Variants in TNKS observed in about 807,000 individuals in gnomAD.
TNKS encodes the protein tankyrase, also known as poly [ADP-ribose] polymerase tankyrase-1.
A neutral mutation model predicts 135.8 loss-of-function variants in TNKS; 72 were observed. That is an observed-to-expected ratio of 0.53 (90% CI 0.44 to 0.64). The LOEUF (loss-of-function observed/expected upper bound fraction) is 0.64, where lower values mean the gene tolerates loss of function less well. Ranked by LOEUF, TNKS falls within the 30% of genes least tolerant of loss-of-function variation. The probability of loss-of-function intolerance (pLI) is 0.00; values close to 1 mark genes in which losing one functional copy is unlikely to be tolerated. For synonymous variants in TNKS, 849 were observed against 649.3 expected (o/e 1.31, Z -4.68); for missense variants, 1,769 against 1,674.0 (o/e 1.06, Z -0.99).
chr8:9,682,854 G>A (rs1252539616), intron 5 of TNKS, among the ~76,000 whole-genome samples: 2 of 151,708 alleles, frequency 1.3e-5, no homozygotes, highest in Non-Finnish European at 2.9e-5. Flanking sequence ...TAACATGAGG[G>A]AGAACCGTAT....
At chr8:9,631,812 T>G (rs987046242) in intron 3 of TNKS, among the ~76,000 whole-genome samples, 1 of 152,024 alleles carries the variant, frequency 6.6e-6, no homozygotes, top group African/African-American at 2.4e-5. Flanking sequence ...AATTTCAACA[T>G]GAATCCAGCA....
chr8:9,610,145 C>G (rs568836496), intron 2 of TNKS, among the ~76,000 whole-genome samples: 1 of 150,670 alleles, frequency 6.6e-6, no homozygotes, highest in South Asian at 2.1e-4. Flanking sequence ...ACATGAGCTA[C>G]TGCGCCCGGC....
In TNKS at chr8:9,776,957, T is replaced by C; in HGVS notation, c.*221T>C. The C allele has an allele frequency of 2.0e-6, 1 of 489,312 alleles. No individual in the cohort carries two copies. Among genetic ancestry groups the C allele is most frequent in the Non-Finnish European group, 3.6e-6 (1 of 276,018 alleles). The allele number at this position is 489,312 out of a possible 1,614,324, so 30.3% of individuals were successfully genotyped here. On this transcript the variant is annotated 3_prime_UTR_variant, in exon 27 of 27. Coordinates refer to ENST00000310430, the MANE Select transcript of TNKS (RefSeq NM_003747.3). Reference sequence around the variant, plus strand: ...AGGAAATGTTTACAGGGGCGGCCTTTTAACATATCTCAGGCTCATTTTCAT... The same window carrying C: ...AGGAAATGTTTACAGGGGCGGCCTTCTAACATATCTCAGGCTCATTTTCAT...
intron 3 of TNKS, among the ~76,000 whole-genome samples, chr8:9,626,813 A>G (rs1459049684): frequency 6.6e-6 from 1 of 152,202 alleles, no homozygotes; most frequent in Non-Finnish European, 1.5e-5. Context: ...ATGCTATAGT[A>G]TTTATTAATC....
intron 12 of TNKS, among the ~76,000 whole-genome samples, chr8:9,724,207 T>G (rs1805045654): frequency 6.6e-6 from 1 of 152,168 alleles, no homozygotes; most frequent in Admixed American, 6.5e-5. Flanking sequence ...CCCTGCACTT[T>G]GGGAGGCAAC....
intron 14 of TNKS, 148 bp downstream of exon 14, chr8:9,731,183 G>A (rs745335481): frequency 1.9e-6 from 2 of 1,077,700 alleles, no homozygotes; most frequent in Non-Finnish European, 2.5e-6. Context: ...AAATGTGCCA[G>A]GCATGGTGGC....
chr8:9,767,733 G>A (rs755291571), intron 25 of TNKS, among the ~76,000 whole-genome samples: 1 of 152,058 alleles, frequency 6.6e-6, no homozygotes, highest in Non-Finnish European at 1.5e-5. Flanking sequence ...GCCGAGGCGG[G>A]CAGATCATGC....
At chr8:9,595,599 C>A (rs902431671) in intron 2 of TNKS, among the ~76,000 whole-genome samples, 1 of 151,754 alleles carries the variant, frequency 6.6e-6, no homozygotes, top group Non-Finnish European at 1.5e-5. Context: ...TATTAGAATT[C>A]CAGGAAAAGC....
intron 21 of TNKS, 143 bp downstream of exon 21, chr8:9,761,779 T>C (rs1189039059): frequency 4.8e-6 from 4 of 841,058 alleles, no homozygotes; most frequent in Middle Eastern, 3.0e-4. Flanking sequence ...ATCTCAGTTA[T>C]TGGCCTCATG....
At chr8:9,704,824 A>G in intron 6 of TNKS, 67 bp downstream of exon 6, 1 of 1,283,114 alleles carries the variant, frequency 7.8e-7, no homozygotes, top group South Asian at 1.3e-5. Context: ...CTTTTAAAAC[A>G]CTAGACAAAG....
intron 5 of TNKS, among the ~76,000 whole-genome samples, chr8:9,692,580 A>C (rs1442159871): frequency 6.6e-6 from 1 of 152,234 alleles, no homozygotes; most frequent in Non-Finnish European, 1.5e-5. Flanking sequence ...CCGCTGACCA[A>C]GAGGTCCAGG....
In TNKS at chr8:9,770,122, A is replaced by C; in HGVS notation, c.3757A>C (p.Arg1253=). ...YICHRQMLFC[R]VTLGKSFLQF... ...TTTCCTTAGACAAATGCTCTTCTGT[A>C]GAGTGACCCTTGGGAAATCCTTTCT... The change falls in exon 26 of 27, where the codon AGA becomes CGA. Residue 1253 remains arginine, a synonymous_variant. Coordinates refer to ENST00000310430, the MANE Select transcript of TNKS (RefSeq NM_003747.3). The C allele has an allele frequency of 6.2e-7, 1 of 1,612,966 alleles. No individual in the cohort carries two copies. The highest frequency in any genetic ancestry group is 8.5e-7 in the Non-Finnish European group (1 of 1,179,774).
intron 3 of TNKS, among the ~76,000 whole-genome samples, chr8:9,643,447 G>C (rs1011261297): frequency 6.6e-6 from 1 of 151,014 alleles, no homozygotes; most frequent in Non-Finnish European, 1.5e-5. Flanking sequence ...TGCGATAATA[G>C]CATTAATCCA....
intron 1 of TNKS, among the ~76,000 whole-genome samples, chr8:9,572,404 A>G (rs906976438): frequency 9.9e-5 from 15 of 152,170 alleles, no homozygotes; most frequent in Admixed American, 6.5e-4. Context: ...CCATGAATAT[A>G]TTAATCTGAA....
intron 3 of TNKS, among the ~76,000 whole-genome samples, chr8:9,635,469 G>A (rs761866983): frequency 2.6e-5 from 4 of 152,174 alleles, no homozygotes; most frequent in Non-Finnish European, 5.9e-5. Context: ...GTAAAGACTG[G>A]TTAGGACAAC....
chr8:9,678,373 T>C (rs1265951269), intron 3 of TNKS, among the ~76,000 whole-genome samples: 1 of 151,006 alleles, frequency 6.6e-6, no homozygotes, highest in African/African-American at 2.5e-5. Context: ...GGAACTTAAA[T>C]AGATGGAGGA....
intron 5 of TNKS, among the ~76,000 whole-genome samples, chr8:9,693,492 AT>A (rs1241156815): frequency 6.6e-6 from 1 of 152,060 alleles, no homozygotes; most frequent in Non-Finnish European, 1.5e-5. Context: ...ATATTATAGT[AT>A]TTTCTCTACT....
At chr8:9,587,623 C>T (rs866416419) in intron 2 of TNKS, among the ~76,000 whole-genome samples, 9 of 151,970 alleles carry the variant, frequency 5.9e-5, no homozygotes, top group Non-Finnish European at 1.3e-4. Context: ...AGGGTGGTCT[C>T]GATCTCCTGA....
chr8:9,719,146 GAT>G (rs1168074071), intron 11 of TNKS, among the ~76,000 whole-genome samples: 3 of 152,176 alleles, frequency 2.0e-5, no homozygotes, highest in Non-Finnish European at 4.4e-5. Context: ...TGGCAAATGT[GAT>G]AGAGTTAAAT....
Sources: gnomAD v4.1 joint callset for allele counts (sites outside exome capture counted in the v4.1 genomes callset) on GRCh38, gnomAD v4.1.1 for gene constraint, MANE v1.5 for transcripts, NCBI Gene and HGNC (gene_info 2026-07-23, HGNC 2026-07-21) for gene names.